The following RAB38 variants were observed in gnomAD, a reference collection of about 807,000 sequenced individuals.
RAB38 encodes ras-related protein Rab-38.
A neutral mutation model predicts 18.4 loss-of-function variants in RAB38; 15 were observed. The ratio of observed to expected loss-of-function variants is 0.82; its 90% confidence interval spans 0.55 to 1.26. The LOEUF (loss-of-function observed/expected upper bound fraction) is 1.26. Among genes scored for constraint, RAB38 ranks in the 50% most tolerant of loss-of-function variants. The pLI, the probability that RAB38 is intolerant of heterozygous loss-of-function variation, is 0.00. For missense variants in RAB38, 294 were observed against 267.4 expected, an observed-to-expected ratio of 1.10 and a Z score of -0.69; for synonymous variants, 101 against 104.4, an observed-to-expected ratio of 0.97 and a Z score of 0.20.
chr11:87,814,313 G>A, the RAB38 span, among the ~76,000 whole-genome samples: 2 of 152,186 alleles, frequency 1.3e-5, no homozygotes, highest in Non-Finnish European at 2.9e-5. Flanking sequence ...TTTTTAGTAT[G>A]AGTCAATGTC....
chr11:88,108,273 T>G (rs1942426398), downstream of RAB38, among the ~76,000 whole-genome samples: 1 of 152,174 alleles, frequency 6.6e-6, no homozygotes, highest in Admixed American at 6.5e-5. Flanking sequence ...TGTAGGTCTC[T>G]AAGAGCTTGC....
chr11:88,105,044 T>A, the RAB38 span, among the ~76,000 whole-genome samples: 1 of 152,096 alleles, frequency 6.6e-6, no homozygotes, highest in East Asian at 1.9e-4. Flanking sequence ...GACCTTACTT[T>A]ACAGATTTTT....
At chr11:88,097,328 A>C in the RAB38 span, among the ~76,000 whole-genome samples, 1 of 151,938 alleles carries the variant, frequency 6.6e-6, no homozygotes, top group African/African-American at 2.4e-5. Flanking sequence ...CTAAGTACAG[A>C]GGAAACAAAG....
At chr11:87,920,564 C>G in the RAB38 span, among the ~76,000 whole-genome samples, 1 of 152,006 alleles carries the variant, frequency 6.6e-6, no homozygotes, top group Admixed American at 6.6e-5. Flanking sequence ...AATATATGAT[C>G]TATTCTGGAG....
At chr11:87,922,308 T>C in the RAB38 span, among the ~76,000 whole-genome samples, 1 of 152,008 alleles carries the variant, frequency 6.6e-6, no homozygotes, top group Non-Finnish European at 1.5e-5. Flanking sequence ...TTCTATTATT[T>C]CTGGACCATC....
the RAB38 span, among the ~76,000 whole-genome samples, chr11:87,872,995 T>G: frequency 6.6e-6 from 1 of 151,594 alleles, no homozygotes; most frequent in African/African-American, 2.4e-5. Context: ...CTGAATCGCA[T>G]AGTAAAAATA....
chr11:87,973,466 A>G, the RAB38 span, among the ~76,000 whole-genome samples: 1 of 122,908 alleles, frequency 8.1e-6, no homozygotes, highest in African/African-American at 2.8e-5. Context: ...AGAGAAGCAC[A>G]GAGAGAGAGC....
chr11:88,110,171 C>T (rs1210076553), downstream of RAB38, among the ~76,000 whole-genome samples: 9 of 152,156 alleles, frequency 5.9e-5, no homozygotes, highest in South Asian at 8.3e-4. Context: ...ATATATACCA[C>T]GGAATACAAT....
At chr11:88,049,568 T>C in the RAB38 span, among the ~76,000 whole-genome samples, 1 of 152,068 alleles carries the variant, frequency 6.6e-6, no homozygotes, top group Admixed American at 6.5e-5. Context: ...TGCACCCAGG[T>C]GAAATAAACA....
At chr11:88,060,221 G>A in the RAB38 span, 1 of 152,140 alleles carries the variant, frequency 6.6e-6, no homozygotes, top group Non-Finnish European at 1.5e-5. Context: ...CCAGAGAACA[G>A]CCTGTGTCTT....
At chr11:87,838,543 C>T in the RAB38 span, among the ~76,000 whole-genome samples, 5 of 152,138 alleles carry the variant, frequency 3.3e-5, no homozygotes, top group African/African-American at 4.8e-5. Context: ...AGATCTGTCT[C>T]TTTTGGAGAG....
At chr11:87,868,620 A>AAG in the RAB38 span, among the ~76,000 whole-genome samples, 1 of 134,276 alleles carries the variant, frequency 7.4e-6, no homozygotes. Context: ...AGAGAGAGAG[A>AAG]GAGAATGAGA....
the RAB38 span, among the ~76,000 whole-genome samples, chr11:87,861,866 C>T: frequency 6.6e-6 from 1 of 151,654 alleles, no homozygotes; most frequent in Non-Finnish European, 1.5e-5. Flanking sequence ...GTACAACAGA[C>T]TGCATTTATA....
At chr11:87,858,435 A>G in the RAB38 span, among the ~76,000 whole-genome samples, 1 of 152,080 alleles carries the variant, frequency 6.6e-6, no homozygotes, top group Non-Finnish European at 1.5e-5. Context: ...CAGTGGTTCC[A>G]GGAGGGTAGC....
chr11:87,882,493 C>T, the RAB38 span, among the ~76,000 whole-genome samples: 3 of 151,802 alleles, frequency 2.0e-5, no homozygotes, highest in Non-Finnish European at 4.4e-5. Flanking sequence ...TGTTTGAGAA[C>T]CACTCTAGTA....
At chr11:88,139,613 A>G (rs1037844166) in intron 2 of RAB38, among the ~76,000 whole-genome samples, 7 of 152,232 alleles carry the variant, frequency 4.6e-5, no homozygotes, top group Admixed American at 1.3e-4. Flanking sequence ...GAATAAATGA[A>G]CGAATAAATG....
chr11:88,165,999 A>G (rs1943239249), intron 1 of RAB38: 1 of 152,064 alleles, frequency 6.6e-6, no homozygotes, highest in African/African-American at 2.4e-5. Flanking sequence ...GAGAACTAGG[A>G]AAGTCTCTGT....
chr11:87,910,431 G>C, the RAB38 span, among the ~76,000 whole-genome samples: 2 of 151,494 alleles, frequency 1.3e-5, no homozygotes, highest in Non-Finnish European at 2.9e-5. Context: ...TTTTAGCAGC[G>C]ACTTTTGAAG....
the RAB38 span, among the ~76,000 whole-genome samples, chr11:87,932,123 G>C: frequency 2.0e-5 from 3 of 151,920 alleles, no homozygotes; most frequent in East Asian, 1.9e-4. Context: ...CTAAATAAGA[G>C]ATTCAAGGGG....
Sources: allele counts gnomAD v4.1 joint callset (sites outside exome capture counted in the v4.1 genomes callset), GRCh38; gene constraint gnomAD v4.1.1; transcripts MANE v1.5; gene names NCBI Gene and HGNC (gene_info 2026-07-23, HGNC 2026-07-21).